PIWIL4: variants seen among roughly 807,000 people sequenced by gnomAD.
The protein encoded by PIWIL4 is piwi-like protein 4.
In PIWIL4, 50 loss-of-function variants were observed where a neutral mutation model predicts 100.9. That is an observed-to-expected ratio of 0.50 (90% CI 0.39 to 0.63). The LOEUF (loss-of-function observed/expected upper bound fraction) is 0.63. PIWIL4 is among the 20% of genes least tolerant of loss of function. The pLI is 0.00. For synonymous variants in PIWIL4, 342 were observed against 367.5 expected, an observed-to-expected ratio of 0.93 and a Z score of 0.79; for missense variants, 887 against 1,043.3, an observed-to-expected ratio of 0.85 and a Z score of 2.06.
Position 94,583,547 on chromosome 11 carries a change from G to C in PIWIL4, c.613G>C (p.Val205Leu). 6.2e-7 allele frequency: 1 copy of C among 1,614,088 alleles called. No individual in the cohort carries two copies. The highest frequency in any genetic ancestry group is 1.1e-5 in the South Asian group (1 of 91,086). Residue 205 changes from valine to leucine, a missense_variant, in exon 5 of 20, where the codon GTC (valine) becomes CTC (leucine). Val to Leu is a conservative substitution (Grantham distance 32). This residue lies in a region of PIWIL4 where 741 missense variants were observed against 930.0 expected (regional missense o/e 0.80). Coordinates refer to ENST00000299001, the MANE Select transcript of PIWIL4 (RefSeq NM_152431.3). ...LPSSSPVCIQ[V>L]FNIIFRKILK... ...ATCAAGTTCTCCCGTGTGCATCCAG[G>C]TCTTCAATATCATCTTCAGAAAGTA...
At chr11:94,613,090 A>G (rs889973580) in intron 15 of PIWIL4, among the ~76,000 whole-genome samples, 11 of 152,122 alleles carry the variant, frequency 7.2e-5, no homozygotes, top group African/African-American at 2.7e-4. Flanking sequence ...TATGTTACTT[A>G]TTACATCCTT....
intron 8 of PIWIL4, among the ~76,000 whole-genome samples, chr11:94,590,452 A>G (rs544066037): frequency 1.3e-5 from 2 of 152,270 alleles, no homozygotes; most frequent in South Asian, 4.1e-4. Context: ...ATTATTCACC[A>G]TGGTTCCCTC....
chr11:94,573,667 G>A lies in PIWIL4; in HGVS notation c.167-1332G>A, dbSNP rs975109671. ...CTTGATCGTGGTGGATAAGCTTTTTGATATGCGCACATTGTTATGAACAGT... is the reference window on the plus strand; with the variant it reads ...CTTGATCGTGGTGGATAAGCTTTTTAATATGCGCACATTGTTATGAACAGT... On this transcript the variant is annotated intron_variant, in intron 2 of 19. Coordinates refer to ENST00000299001, the MANE Select transcript of PIWIL4 (RefSeq NM_152431.3). Among the ~76,000 whole-genome samples, 3 of 152,164 alleles carry A rather than the reference G, an allele frequency of 2.0e-5. No individual in the cohort carries two copies. In the South Asian group the frequency reaches 6.2e-4, roughly 32 times the overall value.
At chr11:94,603,746 GAGA>G (rs1427393153) in intron 12 of PIWIL4, among the ~76,000 whole-genome samples, 1 of 152,164 alleles carries the variant, frequency 6.6e-6, no homozygotes, top group Non-Finnish European at 1.5e-5. Context: ...CTGGACAATT[GAGA>G]AGATCTGATT....
chr11:94,587,209 G>A lies in PIWIL4; in HGVS notation c.876G>A (p.Thr292=), dbSNP rs1948413747. The A allele has an allele frequency of 3.1e-6, 5 of 1,614,178 alleles. No homozygotes were observed. The highest frequency in any genetic ancestry group is 3.4e-6 in the Non-Finnish European group (4 of 1,180,026). The change falls in exon 7 of 20, where the codon ACG becomes ACA. Residue 292 remains threonine, a synonymous_variant. Transcript: ENST00000299001. ...QRTGLSCFTQ[T]CEKQLIGLIV... ...CTGGCTTGTCCTGTTTCACCCAGAC[G>A]TGTGAGAAGCAGCTAATAGGGCTCA... is the stretch of plus-strand genomic sequence containing the variant.
chr11:94,583,776 C>T (rs548807569), intron 5 of PIWIL4, among the ~76,000 whole-genome samples: 1 of 152,294 alleles, frequency 6.6e-6, no homozygotes, highest in South Asian at 2.1e-4. Context: ...TGTTAATATC[C>T]AGTATTGTCC....
At chr11:94,596,551 T>G (rs1272018895) in intron 10 of PIWIL4, among the ~76,000 whole-genome samples, 4 of 152,216 alleles carry the variant, frequency 2.6e-5, no homozygotes, top group African/African-American at 9.6e-5. Context: ...CATTTCCATA[T>G]GATAAACATG....
chr11:94,573,521 G>A (rs891877851), intron 2 of PIWIL4, among the ~76,000 whole-genome samples: 1 of 152,130 alleles, frequency 6.6e-6, no homozygotes, highest in Non-Finnish European at 1.5e-5. Context: ...TCTGTTGAAG[G>A]CCTTTTCTGC....
chr11:94,568,889 A>G (rs1948111187), intron 2 of PIWIL4, 81 bp downstream of exon 2: 2 of 1,226,998 alleles, frequency 1.6e-6, no homozygotes, highest in Non-Finnish European at 2.4e-6. Flanking sequence ...TTACAGCAGT[A>G]GGCCCACCTC....
At chr11:94,616,616 T>C in intron 16 of PIWIL4, 53 bp downstream of exon 16, 1 of 1,409,394 alleles carries the variant, frequency 7.1e-7, no homozygotes, top group Non-Finnish European at 9.9e-7. Context: ...CCTTCAGACC[T>C]CAAATCCACA....
At chr11:94,585,397 C>T (rs1165322006) in intron 5 of PIWIL4, 48 bp from the exon 6 acceptor site, 21 of 1,318,020 alleles carry the variant, frequency 1.6e-5, no homozygotes, top group Non-Finnish European at 2.3e-5. Context: ...TAGAATTACA[C>T]TGTTACTGAC....
At chr11:94,597,005 C>T (rs1179992703) in intron 10 of PIWIL4, among the ~76,000 whole-genome samples, 5 of 152,202 alleles carry the variant, frequency 3.3e-5, no homozygotes, top group Non-Finnish European at 5.9e-5. Flanking sequence ...TTACTGTGTG[C>T]TGAGTCCTAT....
chr11:94,578,556 C>T (rs1459241717), intron 4 of PIWIL4, among the ~76,000 whole-genome samples: 1 of 152,130 alleles, frequency 6.6e-6, no homozygotes, highest in Non-Finnish European at 1.5e-5. Flanking sequence ...GTTATCCATT[C>T]GTAAACTGCT....
At chr11:94,574,570 G>A (rs1948211430) in intron 2 of PIWIL4, among the ~76,000 whole-genome samples, 1 of 152,150 alleles carries the variant, frequency 6.6e-6, no homozygotes, top group East Asian at 1.9e-4. Flanking sequence ...CGTGACCATG[G>A]CTCACTGCTA....
At chr11:94,610,884 T>G (rs1056365349) in intron 15 of PIWIL4, among the ~76,000 whole-genome samples, 4 of 152,212 alleles carry the variant, frequency 2.6e-5, no homozygotes, top group Non-Finnish European at 5.9e-5. Context: ...GCTTTATGTT[T>G]TCTTCTAGAA....
chr11:94,590,784 T>A (rs186536354), intron 8 of PIWIL4, among the ~76,000 whole-genome samples: 38 of 152,304 alleles, frequency 2.5e-4, no homozygotes, highest in Non-Finnish European at 4.1e-4. Context: ...CCCACTGCAT[T>A]AATGCAGGCC....
Position 94,583,514 on chromosome 11 carries a change from G to A in PIWIL4, c.580G>A (p.Glu194Lys). 6.2e-7 allele frequency: 1 copy of A among 1,613,934 alleles called. No individual in the cohort carries two copies. Among genetic ancestry groups the A allele is most frequent in the Non-Finnish European group, 8.5e-7 (1 of 1,179,818 alleles). ...AAAGATGACTATCACCCTGAAGAGGGAGCTGCCATCAAGTTCTCCCGTGTG... is the reference window on the plus strand; with the variant it reads ...AAAGATGACTATCACCCTGAAGAGGAAGCTGCCATCAAGTTCTCCCGTGTG... ...TIKMTITLKR[E>K]LPSSSPVCIQ... is the part of the protein sequence containing the mutation. Residue 194 changes from glutamate (E) to lysine (K), a missense_variant, in exon 5 of 20, where the codon GAG (glutamate) becomes AAG (lysine). Coordinates refer to ENST00000299001, the MANE Select transcript of PIWIL4 (RefSeq NM_152431.3).
intron 11 of PIWIL4, 91 bp from the exon 12 acceptor site, chr11:94,601,704 A>G: frequency 1.6e-6 from 2 of 1,231,340 alleles, no homozygotes; most frequent in Non-Finnish European, 2.4e-6. Flanking sequence ...TTAAACAGTT[A>G]TAACAAAAGT....
At chr11:94,571,302 A>G (rs1177118294) in intron 2 of PIWIL4, among the ~76,000 whole-genome samples, 1 of 151,794 alleles carries the variant, frequency 6.6e-6, no homozygotes, top group African/African-American at 2.4e-5. Flanking sequence ...ATTTTTTATT[A>G]TACTTTAAGT....
Sources: gnomAD v4.1 joint callset for allele counts (sites outside exome capture counted in the v4.1 genomes callset) on GRCh38, gnomAD v4.1.1 for gene constraint, gnomAD v4.1.1 regional missense constraint, MANE v1.5 for transcripts, NCBI Gene and HGNC (gene_info 2026-07-23, HGNC 2026-07-21) for gene names.